PLPP4: variants seen among roughly 807,000 people sequenced by gnomAD.
The protein encoded by PLPP4 is diacylglycerol pyrophosphate like 2.
A neutral mutation model predicts 32.2 loss-of-function variants in PLPP4; 20 were observed. The ratio of observed to expected loss-of-function variants is 0.62; its 90% CI spans 0.44 to 0.90. PLPP4 has a LOEUF of 0.90. PLPP4 is among the 40% of genes least tolerant of loss of function. The probability of loss-of-function intolerance (pLI) is 0.00; values close to 1 mark genes in which losing one functional copy is unlikely to be tolerated. For synonymous variants in PLPP4, 127 were observed against 133.0 expected, an observed-to-expected ratio of 0.95 and a Z score of 0.31; for missense variants, 257 against 353.1, an observed-to-expected ratio of 0.73 and a Z score of 2.18.
rs535664581 is a variant in PLPP4 at position 120,508,518 on chromosome 10, T to C, written c.165+4592T>C. On this transcript the variant is annotated intron_variant, in intron 2 of 6. Coordinates refer to ENST00000398250, the MANE Select transcript of PLPP4 (RefSeq NM_001030059.3). ...GATCCCTTCTGGTTGTTAGAAGTCC[T>C]TGGCATCCTCATGCCCTCCCCCATC... 3.7e-4 allele frequency among the ~76,000 whole-genome samples: 56 copies of C among 152,358 alleles called. 1 individual carries two copies. Among genetic ancestry groups the C allele is most frequent in the South Asian group, 2.5e-3 (12 of 4,830 alleles).
At chr10:120,575,000 T>C in intron 5 of PLPP4, 131 bp from the exon 6 acceptor site, 1 of 843,684 alleles carries the variant, frequency 1.2e-6, no homozygotes, top group Non-Finnish European at 1.9e-6. Context: ...ACAGATTGCC[T>C]AGATAGTGCC....
At chr10:120,547,559 C>A (rs1847686817) in intron 5 of PLPP4, among the ~76,000 whole-genome samples, 1 of 152,174 alleles carries the variant, frequency 6.6e-6, no homozygotes. Flanking sequence ...TCCGTTGTTT[C>A]CATCAACAAT....
intron 1 of PLPP4, among the ~76,000 whole-genome samples, chr10:120,496,654 T>G (rs938014799): frequency 2.6e-5 from 4 of 152,184 alleles, no homozygotes; most frequent in Admixed American, 1.3e-4. Context: ...GTTGGGACCA[T>G]ATTTGTATTC....
At chr10:120,499,455 A>G (rs117851445) in intron 1 of PLPP4, among the ~76,000 whole-genome samples, 1 of 152,054 alleles carries the variant, frequency 6.6e-6, no homozygotes, top group East Asian at 1.9e-4. Context: ...TTTTGCACCA[A>G]TGTAATACAT....
intron 6 of PLPP4, among the ~76,000 whole-genome samples, chr10:120,582,069 G>C (rs556488315): frequency 1.3e-5 from 2 of 152,270 alleles, no homozygotes; most frequent in South Asian, 2.1e-4. Context: ...TAATATCCAC[G>C]TGAGCAGGGA....
chr10:120,581,275 T>C, intron 6 of PLPP4: 1 of 985,410 alleles, frequency 1.0e-6, no homozygotes, highest in Non-Finnish European at 1.2e-6. Flanking sequence ...TTCTGTGGTG[T>C]TCTGTGGTTC....
chr10:120,479,274 C>CCTACTGCAAAA (rs1294728148), intron 1 of PLPP4, among the ~76,000 whole-genome samples: 5 of 152,104 alleles, frequency 3.3e-5, no homozygotes, highest in Non-Finnish European at 7.4e-5. Context: ...TCCCATCCCC[C>CCTACTGCAAAA]CTACTGCCAC....
At chr10:120,463,058 C>G (rs1004432978) in intron 1 of PLPP4, among the ~76,000 whole-genome samples, 7 of 129,348 alleles carry the variant, frequency 5.4e-5, no homozygotes, top group African/African-American at 2.0e-4. Context: ...GAGTCTCACT[C>G]TGTCACCCAG....
chr10:120,484,333 C>T (rs1844344194), intron 1 of PLPP4, among the ~76,000 whole-genome samples: 1 of 152,104 alleles, frequency 6.6e-6, no homozygotes, highest in African/African-American at 2.4e-5. Context: ...TTTTATGCTG[C>T]TATAACAGAA....
chr10:120,496,546 G>A (rs964404112), intron 1 of PLPP4, among the ~76,000 whole-genome samples: 2 of 152,152 alleles, frequency 1.3e-5, no homozygotes, highest in Non-Finnish European at 2.9e-5. Flanking sequence ...GAGTGCAGTG[G>A]CAAGCTCATG....
At chr10:120,518,765 A>G in intron 3 of PLPP4, 68 bp from the exon 4 acceptor site, 3 of 1,184,286 alleles carry the variant, frequency 2.5e-6, no homozygotes, top group East Asian at 2.3e-5. Context: ...TGATGATGAT[A>G]ATGATGATGA....
chr10:120,472,014 C>T (rs950318117), intron 1 of PLPP4, among the ~76,000 whole-genome samples: 1 of 151,894 alleles, frequency 6.6e-6, no homozygotes, highest in Non-Finnish European at 1.5e-5. Flanking sequence ...TGACAGCATA[C>T]TTTCATTTCT....
intron 5 of PLPP4, among the ~76,000 whole-genome samples, chr10:120,524,886 G>A (rs947554105): frequency 6.6e-6 from 1 of 152,206 alleles, no homozygotes; most frequent in African/African-American, 2.4e-5. Context: ...GCGTAATCCC[G>A]ATTTTTTATT....
At chr10:120,560,915 G>A (rs75894776) in intron 5 of PLPP4, among the ~76,000 whole-genome samples, 357 of 152,232 alleles carry the variant, frequency 2.3e-3, no homozygotes, top group African/African-American at 7.6e-3. Context: ...GGGGGGAGTC[G>A]AAAGTTATAC....
At chr10:120,530,487 G>A (rs977781226) in intron 5 of PLPP4, among the ~76,000 whole-genome samples, 9 of 152,074 alleles carry the variant, frequency 5.9e-5, no homozygotes, top group East Asian at 1.9e-4. Flanking sequence ...TATCAGTAAC[G>A]TATTCTTTTT....
chr10:120,458,150 G>A (rs1442864091), intron 1 of PLPP4, among the ~76,000 whole-genome samples: 1 of 152,174 alleles, frequency 6.6e-6, no homozygotes, highest in Admixed American at 6.5e-5. Context: ...CAGGGCCCAA[G>A]CTGCAGGGAG....
intron 1 of PLPP4, among the ~76,000 whole-genome samples, chr10:120,490,056 C>CT: frequency 6.6e-6 from 1 of 152,314 alleles, no homozygotes; most frequent in East Asian, 1.9e-4. Flanking sequence ...GCCACTGAAT[C>CT]TTTGCAGTAG....
intron 5 of PLPP4, among the ~76,000 whole-genome samples, chr10:120,566,851 G>T (rs1255798191): frequency 2.0e-5 from 3 of 152,200 alleles, no homozygotes; most frequent in Admixed American, 2.0e-4. Flanking sequence ...CACGGCACCT[G>T]GCCTTTTCCT....
At chr10:120,578,000 G>C (rs1440129164) in intron 6 of PLPP4, among the ~76,000 whole-genome samples, 1 of 152,190 alleles carries the variant, frequency 6.6e-6, no homozygotes, top group Non-Finnish European at 1.5e-5. Context: ...CCAATGGGTG[G>C]AGGGTTAGAG....
Sources: allele counts gnomAD v4.1 joint callset (sites outside exome capture counted in the v4.1 genomes callset), GRCh38; gene constraint gnomAD v4.1.1; transcripts MANE v1.5; gene names NCBI Gene and HGNC (gene_info 2026-07-23, HGNC 2026-07-21).